SVOPL: variants seen among roughly 807,000 people sequenced by gnomAD.
SVOPL encodes SVOP like, also known as putative transporter SVOPL.
A neutral mutation model predicts 61.0 loss-of-function variants in SVOPL; 60 were observed. That is an observed-to-expected ratio of 0.98 (90% CI 0.80 to 1.22). The LOEUF (loss-of-function observed/expected upper bound fraction) is 1.22, where lower values mean the gene tolerates loss of function less well. Among genes scored for constraint, SVOPL ranks in the 50% most tolerant of loss-of-function variants. The pLI is 0.00. For synonymous variants in SVOPL, 279 were observed against 250.0 expected, an observed-to-expected ratio of 1.12 and a Z score of -1.09; for missense variants, 662 against 643.9, an observed-to-expected ratio of 1.03 and a Z score of -0.30.
At chr7:138,677,968 G>A (rs777196157) in intron 3 of SVOPL, among the ~76,000 whole-genome samples, 3 of 151,932 alleles carry the variant, frequency 2.0e-5, no homozygotes, top group Non-Finnish European at 2.9e-5. Flanking sequence ...TCAACACCAT[G>A]TTGGCCAGGC....
intron 1 of SVOPL, chr7:138,689,555 G>T: frequency 1.6e-4 from 65 of 409,086 alleles, no homozygotes; most frequent in Non-Finnish European, 2.1e-4. Context: ...GAAATTAAAA[G>T]TAAAAAAAGA....
intron 9 of SVOPL, among the ~76,000 whole-genome samples, chr7:138,636,497 G>A (rs1388969717): frequency 2.7e-5 from 4 of 146,328 alleles, no homozygotes; most frequent in African/African-American, 1.0e-4. Context: ...TTGAGACAGA[G>A]TTTCATTATG....
intron 4 of SVOPL, among the ~76,000 whole-genome samples, chr7:138,670,197 T>C (rs1227428518): frequency 3.9e-5 from 6 of 152,204 alleles, no homozygotes; most frequent in African/African-American, 1.4e-4. Flanking sequence ...AAGCTAACTT[T>C]GGAAGAAATT....
chr7:138,596,755 T>G, intron 14 of SVOPL: 3 of 1,198,316 alleles, frequency 2.5e-6, no homozygotes, highest in South Asian at 4.6e-5. Flanking sequence ...ATTGGCCAGG[T>G]AAGACCTCTC....
chr7:138,677,958 T>C (rs910191056), intron 3 of SVOPL, among the ~76,000 whole-genome samples: 3 of 151,918 alleles, frequency 2.0e-5, no homozygotes, highest in African/African-American at 7.3e-5. Flanking sequence ...AAACGGAGTT[T>C]CAACACCATG....
chr7:138,622,122 GTATCTATCTATCTATGTATCTA>G (rs1799649635), intron 13 of SVOPL, among the ~76,000 whole-genome samples: 1 of 26,434 alleles, frequency 3.8e-5, no homozygotes, highest in African/African-American at 1.3e-4. Context: ...ATCTATCTAT[GTATCTATCTATCTATGTATCTA>G]TCTATGTATC....
chr7:138,649,186 A>C, intron 7 of SVOPL, 49 bp from the exon 8 acceptor site: 2 of 1,465,492 alleles, frequency 1.4e-6, no homozygotes, highest in Middle Eastern at 1.8e-4. Context: ...AATTATGACA[A>C]TGAAAAAAAA....
At chr7:138,640,226 T>TC (rs1236432727) in intron 9 of SVOPL, among the ~76,000 whole-genome samples, 1 of 151,634 alleles carries the variant, frequency 6.6e-6, no homozygotes, top group Non-Finnish European at 1.5e-5. Context: ...TTTAACTTTT[T>TC]TTTTTATATT....
intron 1 of SVOPL, among the ~76,000 whole-genome samples, chr7:138,691,248 A>G (rs749946992): frequency 6.6e-6 from 1 of 152,230 alleles, no homozygotes; most frequent in Non-Finnish European, 1.5e-5. Context: ...ATTCAGTTTG[A>G]TGGAAAAATA....
Position 138,656,445 on chromosome 7 carries a change from T to A in SVOPL, c.534+3A>T. 1 of 1,614,012 alleles carries A rather than the reference T, an allele frequency of 6.2e-7. No homozygotes were observed. The highest frequency in any genetic ancestry group is 1.3e-5 in the African/African-American group (1 of 75,064). The stretch of plus-strand genomic sequence containing the variant: ...GGCAGGTAGAACTCCTACGTTGCCT[T>A]ACCTGAGACAAGGGTAACATATAGC... On this transcript the variant is annotated splice_donor_region_variant and intron_variant, in intron 7 of 15. Transcript: ENST00000674285.
intron 11 of SVOPL, 71 bp from the exon 12 acceptor site, chr7:138,627,532 G>C (rs916271350): frequency 8.8e-7 from 1 of 1,133,870 alleles, no homozygotes; most frequent in African/African-American, 1.6e-5. Context: ...CACTGGCATG[G>C]ATTCATCCTT....
intron 2 of SVOPL, 57 bp downstream of exon 2, chr7:138,678,907 A>C (rs1802639108): frequency 6.6e-6 from 10 of 1,510,996 alleles, no homozygotes; most frequent in Non-Finnish European, 8.1e-6. Flanking sequence ...TTAACCTTAA[A>C]AAGGATTCTT....
At chr7:138,672,656 T>TTAAAAAAAAAAAA (rs35924408) in intron 3 of SVOPL, among the ~76,000 whole-genome samples, 29 of 118,820 alleles carry the variant, frequency 2.4e-4, no homozygotes, top group African/African-American at 6.3e-4. Flanking sequence ...TTTTTGTGTT[T>TTAAAAAAAAAAAA]AAAAAAAAAA....
At chr7:138,663,229 G>A in intron 4 of SVOPL, 84 bp from the exon 5 acceptor site, 1 of 1,556,834 alleles carries the variant, frequency 6.4e-7, no homozygotes, top group Non-Finnish European at 8.7e-7. Flanking sequence ...ACTAGAAGTA[G>A]GCTGGAAATA....
chr7:138,631,932 C>T (rs1239112314), intron 9 of SVOPL, among the ~76,000 whole-genome samples: 1 of 146,236 alleles, frequency 6.8e-6, no homozygotes, highest in Non-Finnish European at 1.5e-5. Flanking sequence ...GCTCAGACTG[C>T]CATGGCTCAG....
chr7:138,644,152 G>C lies in SVOPL; in HGVS notation c.789+565C>G, dbSNP rs567187039. ...GGAGGTAGAGGTTGCAGTGAGCTGA[G>C]ATCGTGCCACTGCACTCCAGCCTGG... On this transcript the variant is annotated intron_variant, in intron 9 of 15. Transcript: ENST00000674285. Among the ~76,000 whole-genome samples, 7 of 126,512 alleles carry C rather than the reference G, an allele frequency of 5.5e-5. No individual in the cohort carries two copies. The South Asian group carries it at 1.9e-3, about 35-fold the overall frequency. 83.0% of individuals were successfully genotyped at this position (126,512 alleles called of 152,430 possible). A position where few individuals can be genotyped will look rare whatever the true frequency, so the allele number is the denominator to read the frequency against.
At chr7:138,636,380 A>G (rs575134445) in intron 9 of SVOPL, among the ~76,000 whole-genome samples, 10 of 152,320 alleles carry the variant, frequency 6.6e-5, no homozygotes, top group African/African-American at 2.2e-4. Flanking sequence ...ATACACTTAA[A>G]GCAGGGCAAG....
chr7:138,614,486 C>G (rs1444608871), intron 14 of SVOPL, among the ~76,000 whole-genome samples: 2 of 151,312 alleles, frequency 1.3e-5, no homozygotes, highest in African/African-American at 4.9e-5. Context: ...ACCTCCGCCT[C>G]CTGGGTTCAA....
intron 5 of SVOPL, chr7:138,661,816 G>A (rs188610631): frequency 4.1e-6 from 4 of 973,484 alleles, no homozygotes; most frequent in East Asian, 2.3e-4. Flanking sequence ...TATGACTTCC[G>A]AGCTGCAATC....
Sources: allele counts gnomAD v4.1 joint callset (sites outside exome capture counted in the v4.1 genomes callset), GRCh38; gene constraint gnomAD v4.1.1; transcripts MANE v1.5; gene names NCBI Gene and HGNC (gene_info 2026-07-23, HGNC 2026-07-21).